Variants in BRD8 observed in about 807,000 individuals in gnomAD.
BRD8 encodes bromodomain containing 8.
A neutral mutation model predicts 143.1 loss-of-function variants in BRD8; 67 were observed. The observed-to-expected ratio is 0.47, with a 90% CI of 0.38 to 0.57. BRD8 has a LOEUF of 0.57. Among genes scored for constraint, BRD8 ranks in the 20% least tolerant of loss-of-function variants. BRD8 has a pLI of 0.00. For missense variants in BRD8, 1,103 were observed against 1,503.0 expected (o/e 0.73, Z 4.40); for synonymous variants, 505 against 517.1 (o/e 0.98, Z 0.32).
intron 20 of BRD8, among the ~76,000 whole-genome samples, chr5:138,156,661 G>A (rs781347399): frequency 1.3e-5 from 2 of 152,098 alleles, no homozygotes; most frequent in African/African-American, 2.4e-5. Flanking sequence ...ATCTGAGTAA[G>A]GAAGTCTTTC....
chr5:138,150,360 T>TGCCTCC (rs1478172392), intron 22 of BRD8, among the ~76,000 whole-genome samples: 4 of 152,158 alleles, frequency 2.6e-5, no homozygotes, highest in Admixed American at 6.6e-5. Context: ...CTACTGCCTC[T>TGCCTCC]GCCTCCCAAA....
At chr5:138,160,217 G>A (rs1752895206) in intron 18 of BRD8, 44 bp from the exon 19 acceptor site, 1 of 1,357,396 alleles carries the variant, frequency 7.4e-7, no homozygotes, top group African/African-American at 1.4e-5. Context: ...ACCTGATTTA[G>A]TAGGGACAAA....
At chr5:138,176,738 T>C (rs1157795168) in intron 2 of BRD8, among the ~76,000 whole-genome samples, 1 of 152,058 alleles carries the variant, frequency 6.6e-6, no homozygotes, top group Non-Finnish European at 1.5e-5. Flanking sequence ...CTAAAAACCA[T>C]TATATTGTAC....
intron 4 of BRD8, 73 bp from the exon 5 acceptor site, chr5:138,171,233 C>T (rs560178233): frequency 1.2e-5 from 18 of 1,476,696 alleles, no homozygotes; most frequent in Middle Eastern, 1.8e-4. Context: ...CTTGCTTTTA[C>T]CACTTAATCA....
In BRD8 at chr5:138,145,888, TA is replaced by T. The variant is rs779581166; in HGVS notation, c.3279-11del. On this transcript the variant is annotated splice_polypyrimidine_tract_variant and intron_variant, in intron 23 of 26. Coordinates refer to ENST00000254900, the MANE Select transcript of BRD8 (RefSeq NM_139199.2). ...CTGGCTTAGATCAGTCCTATGAGGA[TA>T]AAACATGAAGAAAAGAGACAGTAAC... is the stretch of plus-strand genomic sequence containing the variant. 3.1e-6 allele frequency: 5 copies of T among 1,608,628 alleles called. No individual in the cohort carries two copies. Among genetic ancestry groups the T allele is most frequent in the Non-Finnish European group, 4.3e-6 (5 of 1,175,498 alleles).
chr5:138,168,753 A>G (rs1355159743), intron 8 of BRD8: 5 of 834,594 alleles, frequency 6.0e-6, no homozygotes, highest in Non-Finnish European at 1.0e-5. Flanking sequence ...ACTAATCTGT[A>G]TGGGTTAGTG....
intron 8 of BRD8, chr5:138,168,752 T>C: frequency 1.2e-6 from 1 of 834,256 alleles, no homozygotes; most frequent in Non-Finnish European, 2.0e-6. Context: ...TACTAATCTG[T>C]ATGGGTTAGT....
rs746984820 is a variant in BRD8, at chr5:138,165,047, C to T, written c.1398G>A (p.Glu466=). The change falls in exon 12 of 27, where the codon GAG becomes GAA. Residue 466 remains glutamate (E), a synonymous_variant. Coordinates refer to ENST00000254900, the MANE Select transcript of BRD8 (RefSeq NM_139199.2). ...CAGGGAGAGGTACTGGCTTGTCCCGCTCCTGCTGGATAGGATGCTCCCAGG... is the reference window on the plus strand; with the variant it reads ...CAGGGAGAGGTACTGGCTTGTCCCGTTCCTGCTGGATAGGATGCTCCCAGG... ...PGPWEHPIQQ[E]RDKPVPLPAP... The T allele has an allele frequency of 1.2e-6, 2 of 1,614,148 alleles. No homozygotes were observed. Among genetic ancestry groups the T allele is most frequent in the Non-Finnish European group, 1.7e-6 (2 of 1,180,022 alleles).
chr5:138,166,626 C>T lies in BRD8; in HGVS notation c.889G>A (p.Val297Met). 6.2e-7 allele frequency: 1 copy of T among 1,613,694 alleles called. No homozygotes were observed. The highest frequency in any genetic ancestry group is 1.1e-5 in the South Asian group (1 of 91,052). The part of the protein sequence containing the change: ...TVASEPPVKL[V>M]PPPVESVSQA... ...GACACAGACTCTACAGGGGGTGGCA[C>T]AAGTTTAACTGGAGGCTCACTGGCA... The change falls in exon 10 of 27, where the codon GTG (valine) becomes ATG (methionine). Residue 297 changes from valine to methionine, a missense_variant. Val to Met is a conservative substitution (Grantham distance 21). This residue lies in a region of BRD8 where 334 missense variants were observed against 372.5 expected (regional missense o/e 0.90). Transcript: ENST00000254900.
intron 25 of BRD8, among the ~76,000 whole-genome samples, chr5:138,143,714 C>T (rs937980669): frequency 5.9e-5 from 9 of 151,698 alleles, no homozygotes; most frequent in Non-Finnish European, 8.8e-5. Context: ...CACCAATCAG[C>T]GCTCTGTGTC....
chr5:138,169,191 G>C, intron 8 of BRD8, 31 bp downstream of exon 8: 2 of 1,607,880 alleles, frequency 1.2e-6, no homozygotes, highest in Non-Finnish European at 1.7e-6. Context: ...CCCCTTCACT[G>C]ATCAATTCCC....
At chr5:138,156,652 T>C (rs1365608005) in intron 20 of BRD8, among the ~76,000 whole-genome samples, 3 of 152,070 alleles carry the variant, frequency 2.0e-5, no homozygotes, top group Non-Finnish European at 4.4e-5. Flanking sequence ...TTCAAGAAAA[T>C]CTGAGTAAGG....
intron 8 of BRD8, 44 bp downstream of exon 8, chr5:138,169,178 T>C (rs1398416332): frequency 4.4e-6 from 7 of 1,594,642 alleles, no homozygotes; most frequent in African/African-American, 1.3e-5. Context: ...TGCCGGCTTA[T>C]TGCCCCTTCA....
chr5:138,174,954 A>C (rs2151221471), intron 2 of BRD8, among the ~76,000 whole-genome samples: 1 of 148,538 alleles, frequency 6.7e-6, no homozygotes, highest in East Asian at 2.0e-4. Context: ...CAGTGGCACG[A>C]TCTCAAATCA....
Position 138,146,423 on chromosome 5 carries a change from G to A in BRD8, c.3279-545C>T, listed in dbSNP as rs1004031410. Among the ~76,000 whole-genome samples, 3 of 148,858 alleles carry A rather than the reference G, an allele frequency of 2.0e-5. No individual in the cohort carries two copies. In the Admixed American group the frequency reaches 2.0e-4, roughly 10 times the overall value. ...CAGGCTGGAGTGCAGTAGTGTGATC[G>A]TGGCTTACTGCAGCCTCAACCTGCT... On this transcript the variant is annotated intron_variant, in intron 23 of 26. Coordinates refer to ENST00000254900, the MANE Select transcript of BRD8 (RefSeq NM_139199.2).
chr5:138,153,180 A>G lies in BRD8; in HGVS notation c.2578-420T>C, dbSNP rs577740182. 5.9e-5 allele frequency among the ~76,000 whole-genome samples: 9 copies of G among 152,338 alleles called. No individual in the cohort carries two copies. The East Asian group carries it at 1.3e-3, about 23-fold the overall frequency. ...GGGCAGGGGATATTTTCCTCAGTGT[A>G]TAAACATTTTTAACCTATGAACCAT... is the stretch of plus-strand genomic sequence containing the variant. On this transcript the variant is annotated intron_variant, in intron 20 of 26. Transcript: ENST00000254900.
At chr5:138,170,277 G>T in intron 7 of BRD8, 68 bp downstream of exon 7, 1 of 1,079,540 alleles carries the variant, frequency 9.3e-7, no homozygotes. Context: ...TTACAAAACA[G>T]TCCAACTGTC....
chr5:138,152,579 T>C lies in BRD8; in HGVS notation c.2759A>G (p.Glu920Gly). 1 of 1,614,154 alleles carries C rather than the reference T, an allele frequency of 6.2e-7. No homozygotes were observed. The highest frequency in any genetic ancestry group is 8.5e-7 in the Non-Finnish European group (1 of 1,180,026). Residue 920 changes from glutamate (E) to glycine (G), a missense_variant, in exon 21 of 27, where the codon GAA (glutamate) becomes GGA (glycine). Physicochemically the swap from Glu to Gly is moderately conservative, Grantham distance 98. Around this residue, in one of 7 missense-constraint regions of BRD8, gnomAD observed 369 missense variants for 445.5 expected, o/e 0.83. Transcript: ENST00000254900. ...ATCCCCAACAAGCAGTTCACTAGGT[T>C]CTCTCTCCGGGCTGCTTTCCTCTAG... ...EELEESSPER[E>G]PSELLVGDGG...
In BRD8 at chr5:138,167,981, T is replaced by C. The variant is rs781347561; in HGVS notation, c.740A>G (p.Glu247Gly). The C allele has an allele frequency of 1.2e-6, 2 of 1,613,454 alleles. No individual in the cohort carries two copies. The highest frequency in any genetic ancestry group is 1.7e-6 in the Non-Finnish European group (2 of 1,179,462). ...AACAGTATTGGGTGTTTGCTGTATC[T>C]CCCCACCATGTATCATGGGAAGGAC... ...GGVLPMIHGG[E>G]IQQTPNTVAA... The change falls in exon 9 of 27, where the codon GAG (glutamate) becomes GGG (glycine). Residue 247 changes from glutamate to glycine, a missense_variant. Glu to Gly is a moderately conservative substitution (Grantham distance 98, BLOSUM62 -2). This residue lies in a region of BRD8 where 334 missense variants were observed against 372.5 expected (regional missense o/e 0.90). Transcript: ENST00000254900.
Sources: gnomAD v4.1 joint callset for allele counts (sites outside exome capture counted in the v4.1 genomes callset) on GRCh38, gnomAD v4.1.1 for gene constraint, gnomAD v4.1.1 regional missense constraint, MANE v1.5 for transcripts, NCBI Gene and HGNC (gene_info 2026-07-23, HGNC 2026-07-21) for gene names.